Variants in CAPSL observed in about 807,000 individuals in gnomAD.
The protein encoded by CAPSL is calcyphosine like, also known as calcyphosin-like protein.
A neutral mutation model predicts 21.3 loss-of-function variants in CAPSL; 17 were observed. That is an observed-to-expected ratio of 0.80 (90% CI 0.55 to 1.20). The LOEUF (loss-of-function observed/expected upper bound fraction) is 1.20. Among genes scored for constraint, CAPSL ranks in the 50% most tolerant of loss-of-function variants. CAPSL has a pLI of 0.00. For missense variants in CAPSL, 289 were observed against 259.3 expected (o/e 1.11, Z -0.79); for synonymous variants, 102 against 89.3 (o/e 1.14, Z -0.80).
chr5:35,908,376 A>G (rs1674427714), intron 4 of CAPSL, among the ~76,000 whole-genome samples: 2 of 152,158 alleles, frequency 1.3e-5, no homozygotes, highest in South Asian at 4.1e-4. Context: ...ACTGCTAAAA[A>G]CCTCAATAAC....
intron 2 of CAPSL, among the ~76,000 whole-genome samples, chr5:35,919,170 A>AAAAAAAAT (rs754098152): frequency 1.1e-3 from 134 of 121,260 alleles, no homozygotes; most frequent in East Asian, 9.4e-3. Context: ...TAAAAAAAAA[A>AAAAAAAAT]ATATATATAT....
Position 35,910,073 on chromosome 5 carries a change from A to G in CAPSL, c.318T>C (p.Pro106=), listed in dbSNP as rs766239268. Residue 106 remains proline (P), a splice_region_variant and synonymous_variant, in exon 4 of 5, where the codon CCT becomes CCC. Coordinates refer to ENST00000651391, the MANE Select transcript of CAPSL (RefSeq NM_001042625.2). ...DFNEFLLTLR[P]PMSRARKEVI... ...CCTCTTTTCTGGCTCTGGACATTGG[A>G]GGCTACAAAAATAGAAGAATACATA... is the stretch of plus-strand genomic sequence containing the variant. 1.9e-6 allele frequency: 3 copies of G among 1,598,556 alleles called. No individual in the cohort carries two copies. The Admixed American group carries it at 5.3e-5, about 28-fold the overall frequency.
Position 35,904,454 on chromosome 5 carries a change from G to T in CAPSL, c.*91C>A. On this transcript the variant is annotated 3_prime_UTR_variant, in exon 5 of 5. Coordinates refer to ENST00000651391, the MANE Select transcript of CAPSL (RefSeq NM_001042625.2). ...CACAGAAAAAAACATTAGGATGAGT[G>T]TGAAATCAAATACGATTCTGGTTTT... The T allele has an allele frequency of 1.1e-6, 1 of 951,732 alleles. No individual in the cohort carries two copies. The highest frequency in any genetic ancestry group is 1.6e-6 in the Non-Finnish European group (1 of 612,684). 59.0% of individuals were successfully genotyped at this position (951,732 alleles called of 1,614,324 possible). A position where few individuals can be genotyped will look rare whatever the true frequency, so the allele number is the denominator to read the frequency against.
chr5:35,910,128 T>C (rs1333123796), intron 3 of CAPSL, 53 bp from the exon 4 acceptor site: 3 of 1,445,198 alleles, frequency 2.1e-6, no homozygotes, highest in East Asian at 2.3e-5. Flanking sequence ...ATGAGCTTTT[T>C]TGGTATCCTA....
At chr5:35,905,750 TTC>T (rs1410370719) in intron 4 of CAPSL, among the ~76,000 whole-genome samples, 1 of 152,246 alleles carries the variant, frequency 6.6e-6, no homozygotes, top group Non-Finnish European at 1.5e-5. Context: ...ATTGCCCTCT[TTC>T]TATCTTTCTC....
intron 1 of CAPSL, 36 bp from the exon 2 acceptor site, chr5:35,921,156 G>C (rs368843089): frequency 1.1e-5 from 17 of 1,606,432 alleles, no homozygotes; most frequent in Non-Finnish European, 1.4e-5. Flanking sequence ...CAAAGTCCAG[G>C]CCTCGCCGCT....
chr5:35,918,796 G>T (rs746718366), intron 2 of CAPSL, among the ~76,000 whole-genome samples: 6 of 152,176 alleles, frequency 3.9e-5, no homozygotes, highest in Admixed American at 1.3e-4. Flanking sequence ...TAGCAATAAT[G>T]GGTTGAATGA....
At chr5:35,928,262 C>T (rs1387530116) in intron 1 of CAPSL, among the ~76,000 whole-genome samples, 7 of 152,206 alleles carry the variant, frequency 4.6e-5, no homozygotes, top group Admixed American at 4.6e-4. Context: ...GAAGACCACA[C>T]CACTTAATAC....
intron 1 of CAPSL, 41 bp from the exon 2 acceptor site, chr5:35,921,161 G>A (rs1203662274): frequency 3.7e-6 from 6 of 1,602,798 alleles, no homozygotes; most frequent in South Asian, 3.3e-5. Context: ...TCCAGGCCTC[G>A]CCGCTGCCTC....
At chr5:35,923,743 G>T (rs2149927708) in intron 1 of CAPSL, among the ~76,000 whole-genome samples, 1 of 152,264 alleles carries the variant, frequency 6.6e-6, no homozygotes, top group South Asian at 2.1e-4. Flanking sequence ...GCAAGGGGCT[G>T]GGGTGGGAGG....
At chr5:35,907,994 T>G (rs1440084534) in intron 4 of CAPSL, among the ~76,000 whole-genome samples, 1 of 152,246 alleles carries the variant, frequency 6.6e-6, no homozygotes, top group African/African-American at 2.4e-5. Flanking sequence ...ACACTTTTAT[T>G]ATGTCTATTA....
intron 1 of CAPSL, among the ~76,000 whole-genome samples, chr5:35,927,114 A>G (rs1354180143): frequency 6.6e-6 from 1 of 152,184 alleles, no homozygotes; most frequent in African/African-American, 2.4e-5. Flanking sequence ...TGCAGTCGCG[A>G]TGGCTGGACC....
intron 2 of CAPSL, among the ~76,000 whole-genome samples, chr5:35,914,372 A>G (rs543525133): frequency 7.0e-4 from 106 of 152,348 alleles, no homozygotes; most frequent in African/African-American, 2.5e-3. Flanking sequence ...ATAGACATCT[A>G]CAGAACTCTC....
chr5:35,910,120 G>T, intron 3 of CAPSL, 45 bp from the exon 4 acceptor site: 1 of 1,488,422 alleles, frequency 6.7e-7, no homozygotes, highest in South Asian at 1.3e-5. Context: ...ATAAGCAAAT[G>T]AGCTTTTTTG....
chr5:35,936,001 A>G (rs1297535657), intron 1 of CAPSL, among the ~76,000 whole-genome samples: 4 of 152,086 alleles, frequency 2.6e-5, no homozygotes, highest in African/African-American at 9.7e-5. Context: ...TTCTTTAACC[A>G]CAGCTAGGCC....
rs753887158 is a variant in CAPSL, at chr5:35,910,074, G to A, written c.317C>T (p.Pro106Leu). Residue 106 changes from proline to leucine, a missense_variant and splice_region_variant, in exon 4 of 5, where the codon CCT becomes CTT. Coordinates refer to ENST00000651391, the MANE Select transcript of CAPSL (RefSeq NM_001042625.2). ...DFNEFLLTLR[P>L]PMSRARKEVI... is the part of the protein sequence containing the mutation. ...CTCTTTTCTGGCTCTGGACATTGGAGGCTACAAAAATAGAAGAATACATAC... is the reference window on the plus strand; with the variant it reads ...CTCTTTTCTGGCTCTGGACATTGGAAGCTACAAAAATAGAAGAATACATAC... The A allele has an allele frequency of 8.8e-6, 14 of 1,597,474 alleles. No individual in the cohort carries two copies. Among genetic ancestry groups the A allele is most frequent in the Non-Finnish European group, 1.2e-5 (14 of 1,174,198 alleles).
chr5:35,919,096 T>C (rs1415955451), intron 2 of CAPSL, among the ~76,000 whole-genome samples: 1 of 150,102 alleles, frequency 6.7e-6, no homozygotes, highest in Admixed American at 6.6e-5. Flanking sequence ...TTTTGTTTTG[T>C]TTGGATTGGA....
chr5:35,906,650 G>A (rs1394033918), intron 4 of CAPSL, among the ~76,000 whole-genome samples: 1 of 152,084 alleles, frequency 6.6e-6, no homozygotes, highest in African/African-American at 2.4e-5. Flanking sequence ...AACCTAATTT[G>A]TGTATTCCAG....
intron 3 of CAPSL, 33 bp from the exon 4 acceptor site, chr5:35,910,108 A>G: frequency 6.5e-7 from 1 of 1,535,616 alleles, no homozygotes; most frequent in South Asian, 1.2e-5. Flanking sequence ...ACAGAGACAT[A>G]CATAAGCAAA....
Sources: allele counts gnomAD v4.1 joint callset (sites outside exome capture counted in the v4.1 genomes callset), GRCh38; gene constraint gnomAD v4.1.1; transcripts MANE v1.5; gene names NCBI Gene and HGNC (gene_info 2026-07-23, HGNC 2026-07-21).